DLC1: variants seen among roughly 807,000 people sequenced by gnomAD.
DLC1 encodes DLC1 Rho GTPase activating protein.
In DLC1, 54 loss-of-function variants were observed where a neutral mutation model predicts 140.3. The observed-to-expected ratio is 0.38, with a 90% confidence interval of 0.31 to 0.48. The LOEUF is 0.48. Among genes scored for constraint, DLC1 ranks in the 20% least tolerant of loss-of-function variants. DLC1 has a pLI of 0.96. For synonymous variants in DLC1, 986 were observed against 728.1 expected (o/e 1.35, Z -5.70); for missense variants, 2,536 against 1,907.0 (o/e 1.33, Z -6.14).
intron 2 of DLC1, among the ~76,000 whole-genome samples, chr8:13,433,265 G>A (rs766089104): frequency 1.1e-4 from 16 of 152,138 alleles, no homozygotes; most frequent in Non-Finnish European, 2.4e-4. Context: ...TGATAAAAAT[G>A]GCGAGGCTCT....
chr8:13,387,558 A>T (rs1358260855), intron 4 of DLC1, among the ~76,000 whole-genome samples: 1 of 151,924 alleles, frequency 6.6e-6, no homozygotes. Context: ...TTTAATGATC[A>T]TATGTATGGG....
chr8:13,141,223 C>A (rs1310531794), intron 5 of DLC1, among the ~76,000 whole-genome samples: 3 of 134,166 alleles, frequency 2.2e-5, no homozygotes, highest in East Asian at 4.4e-4. Context: ...CCATTGCACT[C>A]CAGCCTGGGT....
At chr8:13,518,482 T>C (rs7834890), upstream of DLC1, among the ~76,000 whole-genome samples, 144,278 of 152,294 alleles carry the variant, frequency 0.95, 68,841 homozygotes, top group East Asian at 1. Flanking sequence ...TCTAGTCATT[T>C]CCCAATCATT....
chr8:13,366,064 A>G (rs939723880), intron 4 of DLC1, among the ~76,000 whole-genome samples: 2 of 152,202 alleles, frequency 1.3e-5, no homozygotes, highest in African/African-American at 2.4e-5. Context: ...ATTAATTTCT[A>G]TGCTTTCAGC....
intron 1 of DLC1, among the ~76,000 whole-genome samples, chr8:13,590,253 C>T (rs1438180727): frequency 1.3e-5 from 2 of 151,956 alleles, no homozygotes; most frequent in Non-Finnish European, 2.9e-5. Context: ...TGATTTCCCA[C>T]ATTATGAGTC....
At chr8:13,528,234 T>C (rs1802982013) in intron 1 of DLC1, among the ~76,000 whole-genome samples, 1 of 152,148 alleles carries the variant, frequency 6.6e-6, no homozygotes, top group South Asian at 2.1e-4. Flanking sequence ...CAATATTACT[T>C]CTACACCCTG....
chr8:13,422,852 A>C (rs894747280), intron 2 of DLC1, among the ~76,000 whole-genome samples: 2 of 152,188 alleles, frequency 1.3e-5, no homozygotes, highest in Admixed American at 1.3e-4. Context: ...TAAAGCAAAC[A>C]AAACAAAAAG....
At chr8:13,326,518 C>A (rs1006132066) in intron 4 of DLC1, among the ~76,000 whole-genome samples, 3 of 152,194 alleles carry the variant, frequency 2.0e-5, no homozygotes, top group African/African-American at 7.2e-5. Context: ...CCTACCCCAA[C>A]TGGAGCCAGC....
intron 1 of DLC1, among the ~76,000 whole-genome samples, chr8:13,510,343 T>G (rs1032666849): frequency 2.0e-5 from 3 of 151,948 alleles, no homozygotes; most frequent in African/African-American, 7.3e-5. Flanking sequence ...CTGGCTAAAG[T>G]TTTTTGTATT....
At chr8:13,119,814 C>T (rs1486834421) in intron 5 of DLC1, among the ~76,000 whole-genome samples, 1 of 151,582 alleles carries the variant, frequency 6.6e-6, no homozygotes, top group Non-Finnish European at 1.5e-5. Flanking sequence ...GAAAAAAGAG[C>T]TTTCTGCCTG....
chr8:13,111,625 G>C (rs924668071), intron 6 of DLC1, among the ~76,000 whole-genome samples: 2 of 152,174 alleles, frequency 1.3e-5, no homozygotes, highest in African/African-American at 4.8e-5. Context: ...AAAGGAGAGC[G>C]GAGGTAGCCG....
At chr8:13,114,857 G>A (rs1277593749) in intron 6 of DLC1, among the ~76,000 whole-genome samples, 1 of 152,212 alleles carries the variant, frequency 6.6e-6, no homozygotes, top group Non-Finnish European at 1.5e-5. Context: ...ATCAAGCGTT[G>A]AGGGAATGTG....
intron 1 of DLC1, among the ~76,000 whole-genome samples, chr8:13,594,257 C>T (rs945349025): frequency 6.6e-6 from 1 of 152,026 alleles, no homozygotes; most frequent in African/African-American, 2.4e-5. Context: ...AAACAGAAAA[C>T]CTCATGACCT....
At chr8:13,314,779 C>G (rs1433857701) in intron 4 of DLC1, among the ~76,000 whole-genome samples, 2 of 152,166 alleles carry the variant, frequency 1.3e-5, no homozygotes, top group Non-Finnish European at 2.9e-5. Context: ...CTCTTTATGA[C>G]AAACCGTAAT....
At chr8:13,127,336 G>C (rs758180659) in intron 5 of DLC1, among the ~76,000 whole-genome samples, 1 of 152,184 alleles carries the variant, frequency 6.6e-6, no homozygotes, top group Non-Finnish European at 1.5e-5. Context: ...TCTTGGACTG[G>C]TCACTGAACC....
At chr8:13,401,696 T>C (rs546244730) in intron 2 of DLC1, 77 bp from the exon 3 acceptor site, 5 of 1,537,336 alleles carry the variant, frequency 3.3e-6, no homozygotes, top group African/African-American at 2.8e-5. Flanking sequence ...TGTTCTTCAA[T>C]GTGACAAAAA....
chr8:13,562,691 T>A (rs1442400729), intron 1 of DLC1, among the ~76,000 whole-genome samples: 1 of 152,206 alleles, frequency 6.6e-6, no homozygotes, highest in African/African-American at 2.4e-5. Context: ...GTCTTCATCT[T>A]TGATATAGTA....
intron 5 of DLC1, among the ~76,000 whole-genome samples, chr8:13,284,363 C>T (rs1326565995): frequency 3.3e-5 from 5 of 152,052 alleles, no homozygotes; most frequent in Non-Finnish European, 5.9e-5. Flanking sequence ...CCCGTCTCTA[C>T]TAAAAATAGA....
chr8:13,347,883 A>G (rs1238246637), intron 4 of DLC1, among the ~76,000 whole-genome samples: 1 of 152,156 alleles, frequency 6.6e-6, no homozygotes, highest in Admixed American at 6.5e-5. Context: ...AGGTCAGGAT[A>G]TCGAGACCAT....
Sources: allele counts gnomAD v4.1 joint callset (sites outside exome capture counted in the v4.1 genomes callset), GRCh38; gene constraint gnomAD v4.1.1; transcripts MANE v1.5; gene names NCBI Gene and HGNC (gene_info 2026-07-23, HGNC 2026-07-21).